AVEN: variants seen among roughly 807,000 people sequenced by gnomAD.
The protein encoded by AVEN is cell death regulator Aven.
A neutral mutation model predicts 38.1 loss-of-function variants in AVEN; 41 were observed. The observed-to-expected ratio is 1.08, with a 90% CI of 0.84 to 1.40. AVEN has a LOEUF of 1.40. Among genes scored for constraint, AVEN ranks in the 40% most tolerant of loss-of-function variants. The pLI, the probability that AVEN is intolerant of heterozygous loss-of-function variation, is 0.00. For missense variants in AVEN, 605 were observed against 438.8 expected (o/e 1.38, Z -3.38); for synonymous variants, 206 against 171.8 (o/e 1.20, Z -1.56).
At chr15:33,878,104 C>T (rs918498874) in intron 2 of AVEN, among the ~76,000 whole-genome samples, 6 of 152,094 alleles carry the variant, frequency 3.9e-5, no homozygotes, top group African/African-American at 1.2e-4. Flanking sequence ...ACAAAAAACT[C>T]AACAGTTATC....
At chr15:33,968,793 C>T (rs550937616) in intron 2 of AVEN, 1 of 152,098 alleles carries the variant, frequency 6.6e-6, no homozygotes, top group African/African-American at 2.4e-5. Context: ...AGAACTTTTC[C>T]AGGGGGTCAA....
intron 2 of AVEN, among the ~76,000 whole-genome samples, chr15:33,876,585 T>C (rs542642926): frequency 1.3e-5 from 2 of 151,878 alleles, no homozygotes; most frequent in African/African-American, 4.8e-5. Flanking sequence ...AAAAAAAAAT[T>C]ATTACATAAA....
In AVEN at chr15:33,885,221, G is replaced by A. The variant is rs575672874; in HGVS notation, c.446-9226C>T. Among the ~76,000 whole-genome samples, 4 of 152,250 alleles carry A rather than the reference G, an allele frequency of 2.6e-5. No individual in the cohort carries two copies. The East Asian group carries it at 7.7e-4, about 29-fold the overall frequency. On this transcript the variant is annotated intron_variant, in intron 2 of 5. Transcript: ENST00000306730. ...AGAATGTCCAATAGTCACCGCAATG[G>A]CTGCTACCAAAAATAAAATGTCCTC... is the stretch of plus-strand genomic sequence containing the variant.
intron 2 of AVEN, among the ~76,000 whole-genome samples, chr15:33,993,593 T>C (rs1043340715): frequency 6.6e-6 from 1 of 152,198 alleles, no homozygotes; most frequent in Admixed American, 6.5e-5. Flanking sequence ...TTATTCCTTT[T>C]ATAAAGAGAT....
chr15:34,056,963 CA>C (rs1900176506), intron 5 of AVEN, among the ~76,000 whole-genome samples: 1 of 152,006 alleles, frequency 6.6e-6, no homozygotes, highest in Non-Finnish European at 1.5e-5. Flanking sequence ...CCCTTGAGCC[CA>C]AGAGGTTGAG....
At chr15:34,064,847 T>A (rs960867785) in intron 4 of AVEN, 3 of 179,562 alleles carry the variant, frequency 1.7e-5, no homozygotes, top group Non-Finnish European at 4.0e-5. Flanking sequence ...CACTATCTAT[T>A]ATGCAGCTAT....
intron 2 of AVEN, among the ~76,000 whole-genome samples, chr15:33,944,758 G>A (rs1031958330): frequency 3.3e-5 from 5 of 151,678 alleles, no homozygotes; most frequent in Admixed American, 6.6e-5. Flanking sequence ...GCAGTGAGCC[G>A]AGATCGCGCT....
At chr15:33,876,435 G>GCCTATAATAATA (rs71117188) in intron 2 of AVEN, among the ~76,000 whole-genome samples, 1 of 151,712 alleles carries the variant, frequency 6.6e-6, no homozygotes. Context: ...AGCTGGGCGT[G>GCCTATAATAATA]GTGGCACGTG....
intron 2 of AVEN, among the ~76,000 whole-genome samples, chr15:33,935,068 C>T (rs950014980): frequency 2.6e-5 from 4 of 152,118 alleles, no homozygotes; most frequent in African/African-American, 4.8e-5. Context: ...CGGGGTGGAA[C>T]GATCCATCCA....
intron 1 of AVEN, among the ~76,000 whole-genome samples, chr15:34,010,993 A>G (rs1004439788): frequency 1.3e-5 from 2 of 152,172 alleles, no homozygotes; most frequent in Non-Finnish European, 2.9e-5. Context: ...CTCATAAACC[A>G]TCATAATTAA....
At chr15:33,973,436 T>C (rs1895726510) in intron 2 of AVEN, among the ~76,000 whole-genome samples, 2 of 152,220 alleles carry the variant, frequency 1.3e-5, no homozygotes, top group Admixed American at 1.3e-4. Context: ...AAGACAGTCC[T>C]CTACATGCAG....
At chr15:33,983,204 A>G (rs964043325) in intron 2 of AVEN, among the ~76,000 whole-genome samples, 60 of 15,834 alleles carry the variant, frequency 3.8e-3, no homozygotes, top group African/African-American at 0.017. Context: ...GTGTGTGTAT[A>G]TATATATATA....
chr15:33,867,847 A>T lies in AVEN; in HGVS notation c.621T>A (p.Val207=). The part of the protein sequence containing the change: ...NVAAELVQGT[V]PLEVPQVKPK... ...GTTTCACCTGAGGAACCTCTAAAGG[A>T]ACTGTACCCTGAAAGAGAAGTATAA... Residue 207 remains valine, a synonymous_variant, in exon 5 of 6, where the codon GTT becomes GTA. Coordinates refer to ENST00000306730, the MANE Select transcript of AVEN (RefSeq NM_020371.3). 1.3e-6 allele frequency: 2 copies of T among 1,571,000 alleles called. No individual in the cohort carries two copies. Among genetic ancestry groups the T allele is most frequent in the Non-Finnish European group, 1.7e-6 (2 of 1,164,258 alleles).
intron 1 of AVEN, among the ~76,000 whole-genome samples, chr15:34,027,888 G>A (rs904027366): frequency 6.6e-5 from 10 of 151,568 alleles, no homozygotes; most frequent in Non-Finnish European, 1.5e-4. Context: ...AGATGTTCAA[G>A]AGGGCATTGT....
intron 2 of AVEN, among the ~76,000 whole-genome samples, chr15:33,885,456 T>C (rs867526147): frequency 6.6e-6 from 1 of 152,190 alleles, no homozygotes; most frequent in Admixed American, 6.5e-5. Flanking sequence ...TTCACCTCAA[T>C]ATTTACCCTA....
At chr15:33,912,888 A>ATTT (rs34666691) in intron 2 of AVEN, among the ~76,000 whole-genome samples, 126 of 144,504 alleles carry the variant, frequency 8.7e-4, no homozygotes, top group African/African-American at 3.1e-3. Context: ...AAAAGGCATA[A>ATTT]TTTTTTTTTT....
rs576237090 is a variant in AVEN, at chr15:34,051,955, G to GA, written n.1637+10966dup. On this transcript the variant is annotated intron_variant and non_coding_transcript_variant, in intron 5 of 11. Transcript: ENST00000675287. ...GGTACCACTCCTACTGAAACTATCT[G>GA]AAAAAATTGAAAAGGAGGGACTCCT... Among the ~76,000 whole-genome samples, 143 of 152,052 alleles carry GA rather than the reference G, an allele frequency of 9.4e-4. No homozygotes were observed. The East Asian group carries it at 0.014, about 15-fold the overall frequency.
rs77847781 is a variant in AVEN at position 33,957,035 on chromosome 15, T to C, written c.445+45997A>G. ...ACATTCAGATAAACTAGGAGTAAGA[T>C]AGTTTAGATTTAAGGCACTGCCTTG... On this transcript the variant is annotated intron_variant, in intron 2 of 5. Coordinates refer to ENST00000306730, the MANE Select transcript of AVEN (RefSeq NM_020371.3). Among the ~76,000 whole-genome samples the C allele has an allele frequency of 5.8e-3, 879 of 152,358 alleles. 6 individuals are homozygous for C. Among genetic ancestry groups the C allele is most frequent in the African/African-American group, 0.02 (840 of 41,580 alleles).
intron 1 of AVEN, among the ~76,000 whole-genome samples, chr15:34,021,265 C>T (rs896266692): frequency 5.3e-5 from 8 of 151,860 alleles, no homozygotes; most frequent in Non-Finnish European, 8.8e-5. Context: ...CACCACCCCA[C>T]TCAGCTAAAA....
Sources: gnomAD v4.1 joint callset for allele counts (sites outside exome capture counted in the v4.1 genomes callset) on GRCh38, gnomAD v4.1.1 for gene constraint, MANE v1.5 for transcripts, NCBI Gene and HGNC (gene_info 2026-07-23, HGNC 2026-07-21) for gene names.